Variants in PRKDC observed in about 807,000 individuals in gnomAD.
PRKDC encodes the protein DNA-dependent protein kinase catalytic subunit.
A neutral mutation model predicts 486.9 loss-of-function variants in PRKDC; 82 were observed. That is an observed-to-expected ratio of 0.17 (90% confidence interval 0.14 to 0.20). The LOEUF (loss-of-function observed/expected upper bound fraction) is 0.20, where lower values mean the gene tolerates loss of function less well. Among genes scored for constraint, PRKDC ranks in the 10% least tolerant of loss-of-function variants. The pLI is 1.00. For missense variants in PRKDC, 4,504 were observed against 5,038.2 expected (o/e 0.89, Z 3.21); for synonymous variants, 1,895 against 1,837.0 (o/e 1.03, Z -0.81).
In PRKDC at chr8:47,809,768, C is replaced by T. The variant is rs117782174; in HGVS notation, c.9558-2442G>A. 6.4e-3 allele frequency among the ~76,000 whole-genome samples: 981 copies of T among 152,292 alleles called. 8 individuals carry two copies. Among genetic ancestry groups the T allele is most frequent in the Non-Finnish European group, 0.011 (776 of 68,024 alleles). ...TGGATAAAATACAACTCCCCAAGAACTCTGAGTGAATAAAAGATGGCAGAC... is the reference window on the plus strand; with the variant it reads ...TGGATAAAATACAACTCCCCAAGAATTCTGAGTGAATAAAAGATGGCAGAC... On this transcript the variant is annotated intron_variant, in intron 68 of 85. Transcript: ENST00000314191.
At chr8:47,914,250 A>T (rs750966669) in intron 23 of PRKDC, among the ~76,000 whole-genome samples, 186 bp from the exon 24 acceptor site, 1 of 152,232 alleles carries the variant, frequency 6.6e-6, no homozygotes. Flanking sequence ...CACTCGATTT[A>T]ATTTAAAGTA....
In PRKDC at chr8:47,821,756, T is replaced by C; in HGVS notation, c.8959A>G (p.Thr2987Ala). Reference sequence around the variant, plus strand: ...TCCCAAAAATCCTTCTCGGCTTCTGTGGGCTCACCATCTACCCAGTCTTGT... The same window carrying C: ...TCCCAAAAATCCTTCTCGGCTTCTGCGGGCTCACCATCTACCCAGTCTTGT... ...NKQDWVDGEP[T>A]EAEKDFWELA... The change falls in exon 65 of 86, where the codon ACA (threonine) becomes GCA (alanine). Residue 2987 changes from threonine (T) to alanine (A), a missense_variant. Coordinates refer to ENST00000314191, the MANE Select transcript of PRKDC (RefSeq NM_006904.7). 1.3e-6 allele frequency: 2 copies of C among 1,592,906 alleles called. 1 individual carries two copies. The highest frequency in any genetic ancestry group is 2.3e-5 in the South Asian group (2 of 86,280).
intron 11 of PRKDC, among the ~76,000 whole-genome samples, chr8:47,939,017 T>C (rs1254988225): frequency 6.6e-6 from 1 of 152,208 alleles, no homozygotes; most frequent in East Asian, 1.9e-4. Context: ...TTCTTCACAC[T>C]TGGACTTATG....
chr8:47,839,906 G>C lies in PRKDC; in HGVS notation c.7454+110C>G, dbSNP rs187438009. 1,685 of 803,334 alleles carry C rather than the reference G, an allele frequency of 2.1e-3. 1 individual carries two copies. The highest frequency in any genetic ancestry group is 2.6e-3 in the Non-Finnish European group (1,365 of 534,768). 49.8% of individuals were successfully genotyped at this position (803,334 alleles called of 1,614,324 possible). A position where few individuals can be genotyped will look rare whatever the true frequency, so the allele number is the denominator to read the frequency against. ...GAAGGATCAACTGAGCCCAGGAGGA[G>C]GTTGAGACTGCAGTGACCTGTGTTT... On this transcript the variant is annotated intron_variant, in intron 55 of 85. Transcript: ENST00000314191.
At chr8:47,932,535 T>C (rs1342970840) in intron 16 of PRKDC, among the ~76,000 whole-genome samples, 1 of 152,178 alleles carries the variant, frequency 6.6e-6, no homozygotes, top group Non-Finnish European at 1.5e-5. Flanking sequence ...GACTTATCTT[T>C]AACTCAGGCT....
intron 3 of PRKDC, 78 bp from the exon 4 acceptor site, chr8:47,956,026 C>A: frequency 9.4e-7 from 1 of 1,065,574 alleles, no homozygotes; most frequent in Non-Finnish European, 1.4e-6. Flanking sequence ...GAAACTACTT[C>A]TCCAAGAGGA....
At position 47,886,113 on chromosome 8, in the gene PRKDC, G is replaced by A. The variant is rs774175470; in HGVS notation, c.4607C>T (p.Ala1536Val). 1.9e-6 allele frequency: 3 copies of A among 1,612,726 alleles called. No homozygotes were observed. The South Asian group carries it at 3.3e-5, about 18-fold the overall frequency. The change falls in exon 36 of 86, where the codon GCG (alanine) becomes GTG (valine). Residue 1536 changes from alanine (A) to valine (V), a missense_variant. Ala to Val is a moderately conservative substitution (Grantham distance 64, BLOSUM62 0). Transcript: ENST00000314191. ...GCCCAAGGACGCCGTGGACAGCACC[G>A]CTGGGTTCAGGAGAAGACTCACAAG... ...ERLVSLLLNP[A>V]VLSTASLGSS...
At chr8:47,775,587 G>A (rs1408349948) in intron 85 of PRKDC, among the ~76,000 whole-genome samples, 1 of 151,416 alleles carries the variant, frequency 6.6e-6, no homozygotes, top group Non-Finnish European at 1.5e-5. Context: ...GGCAATAAGA[G>A]TTTTTTTAAT....
Position 47,821,769 on chromosome 8 carries a change from T to A in PRKDC, c.8946A>T (p.Val2982=). The change falls in exon 65 of 86, where the codon GTA becomes GTT. Residue 2982 remains valine (V), a synonymous_variant. Coordinates refer to ENST00000314191, the MANE Select transcript of PRKDC (RefSeq NM_006904.7). ...TCTCGGCTTCTGTGGGCTCACCATC[T>A]ACCCAGTCTTGTTTATTGAGAGCCT... is the stretch of plus-strand genomic sequence containing the variant. ...YDEALNKQDW[V]DGEPTEAEKD... is the part of the protein sequence containing the mutation. 4 of 1,573,114 alleles carry A rather than the reference T, an allele frequency of 2.5e-6. No homozygotes were observed. The highest frequency in any genetic ancestry group is 3.4e-6 in the Non-Finnish European group (4 of 1,165,162).
intron 66 of PRKDC, among the ~76,000 whole-genome samples, chr8:47,820,273 G>A (rs754553184): frequency 6.6e-6 from 1 of 151,642 alleles, no homozygotes. Context: ...ATTAGCCGAG[G>A]GCCTGTAATC....
chr8:47,849,043 C>CA (rs2088340239), intron 54 of PRKDC, 111 bp downstream of exon 54: 6 of 1,361,934 alleles, frequency 4.4e-6, no homozygotes, highest in Non-Finnish European at 5.0e-6. Context: ...TCCAACTTCA[C>CA]AAATGTGTAT....
At chr8:47,882,182 T>C (rs2089234855) in intron 36 of PRKDC, 85 bp from the exon 37 acceptor site, 1 of 1,274,582 alleles carries the variant, frequency 7.8e-7, no homozygotes, top group Non-Finnish European at 1.1e-6. Context: ...TCAAAGCTAT[T>C]CTTGGAAAAT....
At position 47,927,365 on chromosome 8, in the gene PRKDC, T is replaced by C. The variant is rs2154503408; in HGVS notation, c.2260-12A>G. 3 of 1,597,760 alleles carry C rather than the reference T, an allele frequency of 1.9e-6. No individual in the cohort carries two copies. The highest frequency in any genetic ancestry group is 1.8e-5 in the Admixed American group (1 of 54,698). On this transcript the variant is annotated splice_polypyrimidine_tract_variant and intron_variant, in intron 20 of 85. Transcript: ENST00000314191. ...AGTTTGAAAGCCATCTGTATGTTAA[T>C]ACAAACAAGTTAAACTGAAACGCAG...
chr8:47,871,035 G>C (rs541179823), intron 40 of PRKDC, among the ~76,000 whole-genome samples: 98 of 152,144 alleles, frequency 6.4e-4, no homozygotes, highest in Non-Finnish European at 1.1e-3. Flanking sequence ...AATACACAGA[G>C]GGGACAAAAG....
intron 61 of PRKDC, among the ~76,000 whole-genome samples, chr8:47,830,039 T>C (rs1441615568): frequency 1.3e-5 from 2 of 152,114 alleles, no homozygotes; most frequent in Non-Finnish European, 2.9e-5. Context: ...ACTATAAGGC[T>C]GCAGTAACCA....
intron 42 of PRKDC, among the ~76,000 whole-genome samples, chr8:47,862,837 T>G (rs1254863835): frequency 6.6e-6 from 1 of 152,210 alleles, no homozygotes; most frequent in Non-Finnish European, 1.5e-5. Context: ...TAGTCATGAC[T>G]GAACGGTGAC....
At chr8:47,839,030 A>G in intron 56 of PRKDC, 118 bp downstream of exon 56, 1 of 733,698 alleles carries the variant, frequency 1.4e-6, no homozygotes, top group Non-Finnish European at 2.3e-6. Context: ...GAAATGCAGA[A>G]AGCAGAGAAA....
intron 1 of PRKDC, among the ~76,000 whole-genome samples, chr8:47,957,761 G>A (rs1049538782): frequency 9.9e-5 from 15 of 152,070 alleles, no homozygotes; most frequent in Admixed American, 6.6e-4. Context: ...CGATCAGCCC[G>A]CCTCGGCCTC....
rs775726185 is a variant in PRKDC, at chr8:47,826,649, C to T, written c.8783+7G>A. The T allele has an allele frequency of 2.5e-6, 4 of 1,603,676 alleles. No homozygotes were observed. Among genetic ancestry groups the T allele is most frequent in the East Asian group, 2.2e-5 (1 of 44,618 alleles). ...GTGCTCCCAAGAGCACCTGACCTCA[C>T]ACTTACTTAGCAAGCTCCACCCATC... On this transcript the variant is annotated splice_region_variant and intron_variant, in intron 63 of 85. Coordinates refer to ENST00000314191, the MANE Select transcript of PRKDC (RefSeq NM_006904.7).
Sources: allele counts gnomAD v4.1 joint callset (sites outside exome capture counted in the v4.1 genomes callset), GRCh38; gene constraint gnomAD v4.1.1; transcripts MANE v1.5; gene names NCBI Gene and HGNC (gene_info 2026-07-23, HGNC 2026-07-21).